Variants in FGF12 observed in about 807,000 individuals in gnomAD.
FGF12 encodes fibroblast growth factor 12.
A neutral mutation model predicts 23.6 loss-of-function variants in FGF12; 14 were observed. That is an observed-to-expected ratio of 0.59 (90% CI 0.39 to 0.93). The LOEUF (loss-of-function observed/expected upper bound fraction) is 0.93. FGF12 is among the 40% of genes least tolerant of loss of function. The pLI is 0.00. For missense variants in FGF12, 175 were observed against 217.8 expected (o/e 0.80, Z 1.24); for synonymous variants, 62 against 77.3 (o/e 0.80, Z 1.04).
rs913020258 is a variant in FGF12 at position 192,722,253 on chromosome 3, C to T, written c.13+4928G>A. On this transcript the variant is annotated intron_variant, in intron 2 of 5. Transcript: ENST00000445105. ...TCAGTGACTATACATCATGATTTTA[C>T]TGAATTATGTTTTACTTATCTCACT... Among the ~76,000 whole-genome samples, 22 of 152,274 alleles carry T rather than the reference C, an allele frequency of 1.4e-4. 1 individual carries two copies. In the Middle Eastern group the frequency reaches 0.037, roughly 259 times the overall value.
At chr3:192,248,697 C>G (rs936172203) in intron 4 of FGF12, among the ~76,000 whole-genome samples, 1 of 152,142 alleles carries the variant, frequency 6.6e-6, no homozygotes, top group African/African-American at 2.4e-5. Flanking sequence ...AGGATGACTT[C>G]TGCCCCGGGG....
chr3:192,609,510 A>G (rs1714470415), intron 2 of FGF12, among the ~76,000 whole-genome samples: 3 of 152,090 alleles, frequency 2.0e-5, no homozygotes, highest in Non-Finnish European at 4.4e-5. Context: ...GAGACATTGC[A>G]TGTCTGTTCT....
At chr3:192,359,138 C>A (rs759446408) in intron 3 of FGF12, among the ~76,000 whole-genome samples, 11 of 152,152 alleles carry the variant, frequency 7.2e-5, no homozygotes, top group Non-Finnish European at 1.0e-4. Flanking sequence ...ACAATGCAAA[C>A]CAAAATCAGC....
chr3:192,618,456 G>A (rs1460538241), intron 2 of FGF12, among the ~76,000 whole-genome samples: 1 of 151,910 alleles, frequency 6.6e-6, no homozygotes, highest in Non-Finnish European at 1.5e-5. Context: ...ATCACTTCTA[G>A]GTGAAAAGAA....
At chr3:192,293,401 C>T (rs547058423) in intron 4 of FGF12, among the ~76,000 whole-genome samples, 88 of 152,238 alleles carry the variant, frequency 5.8e-4, no homozygotes, top group African/African-American at 2.1e-3. Flanking sequence ...AAATTTGAAC[C>T]TCATTCTCAA....
chr3:192,610,932 A>G (rs1418309056), intron 2 of FGF12, among the ~76,000 whole-genome samples: 17 of 151,946 alleles, frequency 1.1e-4, no homozygotes, highest in Non-Finnish European at 2.5e-4. Context: ...GCCTCCTTAT[A>G]TAAAAATTGC....
At chr3:192,248,985 T>G (rs1337158002) in intron 4 of FGF12, among the ~76,000 whole-genome samples, 3 of 152,150 alleles carry the variant, frequency 2.0e-5, no homozygotes, top group Non-Finnish European at 4.4e-5. Flanking sequence ...ACAACTGTTT[T>G]GGCGCTCAAA....
chr3:192,697,456 G>A (rs1221415278), intron 2 of FGF12, among the ~76,000 whole-genome samples: 1 of 152,118 alleles, frequency 6.6e-6, no homozygotes, highest in Non-Finnish European at 1.5e-5. Context: ...TGATATACAA[G>A]GGCACTCACT....
At chr3:192,576,172 A>C (rs1712874111) in intron 2 of FGF12, among the ~76,000 whole-genome samples, 1 of 152,166 alleles carries the variant, frequency 6.6e-6, no homozygotes, top group African/African-American at 2.4e-5. Context: ...CTTACAAACG[A>C]AGAAAAATAA....
intron 2 of FGF12, among the ~76,000 whole-genome samples, chr3:192,638,702 A>G (rs911467216): frequency 6.6e-6 from 1 of 152,208 alleles, no homozygotes; most frequent in African/African-American, 2.4e-5. Context: ...CATGCCCACA[A>G]GGTAGGTATT....
intron 2 of FGF12, among the ~76,000 whole-genome samples, chr3:192,382,029 C>T (rs1215116941): frequency 6.6e-6 from 1 of 151,486 alleles, no homozygotes; most frequent in Non-Finnish European, 1.5e-5. Flanking sequence ...TGGAGTCTCG[C>T]TCTGTCACCC....
rs140172563 is a variant in FGF12 at position 192,562,053 on chromosome 3, T to C, written c.13+165128A>G. Among the ~76,000 whole-genome samples, 401 of 152,228 alleles carry C rather than the reference T, an allele frequency of 2.6e-3. 1 individual carries two copies. Among genetic ancestry groups the C allele is most frequent in the African/African-American group, 9.1e-3 (376 of 41,538 alleles). ...AATACACCATGGAATACTTAGACAA[T>C]AGACCTTATACTCAGCAATTTTAAA... On this transcript the variant is annotated intron_variant, in intron 2 of 5. Transcript: ENST00000445105.
At chr3:192,163,828 AGT>A (rs35349561) in intron 5 of FGF12, among the ~76,000 whole-genome samples, 32,237 of 149,184 alleles carry the variant, frequency 0.22, 4,211 homozygotes, top group East Asian at 0.38. Flanking sequence ...AGTGTGTGTG[AGT>A]GTGTGTGTGT....
intron 4 of FGF12, among the ~76,000 whole-genome samples, chr3:192,324,501 T>A (rs1016390426): frequency 2.8e-4 from 43 of 152,250 alleles, no homozygotes; most frequent in Admixed American, 1.3e-4. Flanking sequence ...CCTAGGGCTT[T>A]ACGTGCATCT....
intron 2 of FGF12, among the ~76,000 whole-genome samples, chr3:192,428,881 T>C (rs1272312032): frequency 6.6e-6 from 1 of 152,106 alleles, no homozygotes; most frequent in Non-Finnish European, 1.5e-5. Context: ...TGGAATTACT[T>C]CTGCTGTGTT....
chr3:192,150,891 G>A (rs1305876787), intron 5 of FGF12, among the ~76,000 whole-genome samples: 1 of 140,394 alleles, frequency 7.1e-6, no homozygotes, highest in African/African-American at 2.6e-5. Flanking sequence ...CATTGAATCT[G>A]TAAATTACCT....
intron 2 of FGF12, among the ~76,000 whole-genome samples, chr3:192,426,987 T>G (rs1440315713): frequency 6.6e-6 from 1 of 152,230 alleles, no homozygotes; most frequent in African/African-American, 2.4e-5. Flanking sequence ...AAATACATTA[T>G]AGTAATTACT....
chr3:192,459,897 G>C (rs929704810), intron 2 of FGF12, among the ~76,000 whole-genome samples: 28 of 151,888 alleles, frequency 1.8e-4, no homozygotes, highest in African/African-American at 5.3e-4. Flanking sequence ...GAGAGAAGGA[G>C]ACAGAAGGTG....
chr3:192,306,516 G>A (rs1188965161), intron 4 of FGF12, among the ~76,000 whole-genome samples: 1 of 152,174 alleles, frequency 6.6e-6, no homozygotes, highest in Non-Finnish European at 1.5e-5. Flanking sequence ...GTTTTGGGAG[G>A]CTGAGGCAGG....
Sources: allele counts gnomAD v4.1 joint callset (sites outside exome capture counted in the v4.1 genomes callset), GRCh38; gene constraint gnomAD v4.1.1; transcripts MANE v1.5; gene names NCBI Gene and HGNC (gene_info 2026-07-23, HGNC 2026-07-21).